TOGARAM2: variants seen among roughly 807,000 people sequenced by gnomAD.
TOGARAM2 encodes the protein TOG array regulator of axonemal microtubules 2.
In TOGARAM2, 85 loss-of-function variants were observed where a neutral mutation model predicts 93.3. That is an observed-to-expected ratio of 0.91 (90% CI 0.76 to 1.09). TOGARAM2 has a LOEUF of 1.09. TOGARAM2 is among the 50% of genes least tolerant of loss of function. The pLI is 0.00. For synonymous variants in TOGARAM2, 593 were observed against 552.8 expected (o/e 1.07, Z -1.02); for missense variants, 1,277 against 1,334.5 (o/e 0.96, Z 0.67).
At chr2:29,033,681 A>T (rs1665915680) in intron 16 of TOGARAM2, 118 bp downstream of exon 16, 2 of 867,452 alleles carry the variant, frequency 2.3e-6, no homozygotes, top group Non-Finnish European at 3.5e-6. Context: ...TATCGCTGAG[A>T]CCTAGTTGGG....
chr2:29,022,835 G>C (rs1347552901), intron 11 of TOGARAM2, among the ~76,000 whole-genome samples: 1 of 152,178 alleles, frequency 6.6e-6, no homozygotes, highest in Non-Finnish European at 1.5e-5. Flanking sequence ...CCTGGAGGGG[G>C]GTGGGCTTCC....
chr2:29,012,620 C>G (rs1213486086), intron 7 of TOGARAM2, among the ~76,000 whole-genome samples: 1 of 152,192 alleles, frequency 6.6e-6, no homozygotes, highest in South Asian at 2.1e-4. Context: ...GTGGCAGGGG[C>G]AGGCTGCTCA....
chr2:29,039,289 G>A (rs181464623), intron 18 of TOGARAM2, among the ~76,000 whole-genome samples: 1 of 152,244 alleles, frequency 6.6e-6, no homozygotes, highest in African/African-American at 2.4e-5. Flanking sequence ...AGAAATTCTG[G>A]GCTCCAGGCT....
chr2:29,030,438 G>A (rs552458013), intron 14 of TOGARAM2, among the ~76,000 whole-genome samples: 2 of 151,946 alleles, frequency 1.3e-5, no homozygotes, highest in African/African-American at 4.8e-5. Context: ...ATAATAAAGT[G>A]TTGTGTAACT....
chr2:29,001,758 T>C (rs536267173), intron 4 of TOGARAM2, among the ~76,000 whole-genome samples: 53 of 152,238 alleles, frequency 3.5e-4, no homozygotes, highest in Middle Eastern at 3.4e-3. Context: ...CCTCCCAAAG[T>C]GTGTGGGATT....
chr2:29,040,446 A>G (rs1558466333), intron 18 of TOGARAM2, among the ~76,000 whole-genome samples: 1 of 152,170 alleles, frequency 6.6e-6, no homozygotes, highest in Admixed American at 6.5e-5. Context: ...TCCTGTGCAC[A>G]TTTGTGTACA....
chr2:29,006,190 C>CCT (rs1491404936), intron 6 of TOGARAM2, among the ~76,000 whole-genome samples: 8 of 52,454 alleles, frequency 1.5e-4, no homozygotes, highest in Non-Finnish European at 1.2e-4. Flanking sequence ...CATGTGTGTG[C>CCT]ATGTGTGTGA....
upstream of TOGARAM2, among the ~76,000 whole-genome samples, chr2:28,978,778 A>C (rs918987756): frequency 2.0e-5 from 3 of 152,092 alleles, no homozygotes; most frequent in African/African-American, 4.8e-5. Flanking sequence ...GGAGCAGGCC[A>C]GTGTGAGCAC....
At chr2:28,978,733 T>C (rs1341571421), upstream of TOGARAM2, among the ~76,000 whole-genome samples, 1 of 152,140 alleles carries the variant, frequency 6.6e-6, no homozygotes, top group East Asian at 1.9e-4. Context: ...TTTAATTCAT[T>C]CACATCAAGT....
Position 29,036,754 on chromosome 2 carries a change from C to G in TOGARAM2, c.2632C>G (p.Leu878Val). ...VAVLDAMVES[L>V]DNLCLLPALA... The stretch of plus-strand genomic sequence containing the variant: ...TGTGCTGGATGCGATGGTTGAGAGC[C>G]TGGGTGAGTGTCCCACGTGGGCCTG... Residue 878 changes from leucine (L) to valine (V), a missense_variant, in exon 18 of 20, where the codon CTG becomes GTG. Transcript: ENST00000379558. 1 of 1,612,150 alleles carries G rather than the reference C, an allele frequency of 6.2e-7. No homozygotes were observed. The highest frequency in any genetic ancestry group is 1.1e-5 in the South Asian group (1 of 90,630).
chr2:28,993,754 G>T (rs1349005864), intron 1 of TOGARAM2, among the ~76,000 whole-genome samples: 1 of 152,198 alleles, frequency 6.6e-6, no homozygotes, highest in Non-Finnish European at 1.5e-5. Context: ...TTGGGTTGAG[G>T]GTTGCTAGGA....
chr2:29,002,119 A>G (rs1316424828), intron 4 of TOGARAM2, among the ~76,000 whole-genome samples: 2 of 152,200 alleles, frequency 1.3e-5, no homozygotes, highest in African/African-American at 4.8e-5. Flanking sequence ...AAGGGGAAAC[A>G]GTGGCAGGTA....
chr2:29,026,242 C>G (rs1352865051), intron 13 of TOGARAM2, among the ~76,000 whole-genome samples: 1 of 151,940 alleles, frequency 6.6e-6, no homozygotes, highest in Non-Finnish European at 1.5e-5. Context: ...CCTTTTTTTT[C>G]TGGAGATACT....
intron 17 of TOGARAM2, 96 bp from the exon 18 acceptor site, chr2:29,036,445 G>A (rs539829332): frequency 1.2e-4 from 133 of 1,104,946 alleles, no homozygotes; most frequent in South Asian, 6.2e-4. Context: ...TGCTGAGGTC[G>A]CTCAGTTGGG....
intron 1 of TOGARAM2, among the ~76,000 whole-genome samples, chr2:28,968,097 G>A (rs1300621710): frequency 2.0e-5 from 3 of 152,016 alleles, no homozygotes; most frequent in East Asian, 1.9e-4. Flanking sequence ...GGGATTATAA[G>A]CCTGAGCCAC....
At chr2:29,030,961 TTCTC>T (rs1275542128) in intron 14 of TOGARAM2, among the ~76,000 whole-genome samples, 6 of 152,224 alleles carry the variant, frequency 3.9e-5, no homozygotes, top group Non-Finnish European at 7.3e-5. Flanking sequence ...CCTCTCTGTG[TTCTC>T]TCTATCATTA....
intron 18 of TOGARAM2, among the ~76,000 whole-genome samples, chr2:29,042,286 C>T (rs1340346262): frequency 2.0e-5 from 3 of 152,244 alleles, no homozygotes; most frequent in Non-Finnish European, 4.4e-5. Context: ...TGACATTGCC[C>T]TGCAGCTACA....
rs867517601 is a variant in TOGARAM2 at position 28,983,198 on chromosome 2, A to T, written c.-111+1660A>T. ...TATAAATATATATATATATATATAT[A>T]TTTTTTTTTTTTTTTTTTTTTTTTT... On this transcript the variant is annotated intron_variant, in intron 1 of 19. Transcript: ENST00000379558. Among the ~76,000 whole-genome samples, 164 of 56,608 alleles carry T rather than the reference A, an allele frequency of 2.9e-3. 1 individual carries two copies. Among genetic ancestry groups the T allele is most frequent in the South Asian group, 5.7e-3 (8 of 1,400 alleles). The allele number at this position is 56,608 out of a possible 152,430, so 37.1% of individuals were successfully genotyped here.
chr2:28,998,913 G>A lies in TOGARAM2; in HGVS notation c.140-268G>A, dbSNP rs528917044. Among the ~76,000 whole-genome samples, 5 of 152,126 alleles carry A rather than the reference G, an allele frequency of 3.3e-5. No individual in the cohort carries two copies. The South Asian group carries it at 1.0e-3, about 32-fold the overall frequency. On this transcript the variant is annotated intron_variant, in intron 3 of 19. Coordinates refer to ENST00000379558, the MANE Select transcript of TOGARAM2 (RefSeq NM_199280.4). The stretch of plus-strand genomic sequence containing the variant: ...GCAGACGACCTTCCCTATGATTCAC[G>A]GCCTCTTGTCTGTGCTGCCATAGGA...
Sources: allele counts gnomAD v4.1 joint callset (sites outside exome capture counted in the v4.1 genomes callset), GRCh38; gene constraint gnomAD v4.1.1; transcripts MANE v1.5; gene names NCBI Gene and HGNC (gene_info 2026-07-23, HGNC 2026-07-21).